MACROD2: variants seen among roughly 807,000 people sequenced by gnomAD.
MACROD2 encodes the protein mono-ADP ribosylhydrolase 2.
A neutral mutation model predicts 70.4 loss-of-function variants in MACROD2; 36 were observed. The observed-to-expected ratio is 0.51, with a 90% CI of 0.39 to 0.68. The LOEUF (loss-of-function observed/expected upper bound fraction) is 0.68. Among genes scored for constraint, MACROD2 ranks in the 30% least tolerant of loss-of-function variants. MACROD2 has a pLI of 0.00. For synonymous variants in MACROD2, 172 were observed against 178.8 expected (o/e 0.96, Z 0.30); for missense variants, 496 against 538.4 (o/e 0.92, Z 0.78).
intron 6 of MACROD2, among the ~76,000 whole-genome samples, chr20:15,326,341 T>C (rs2077928716): frequency 6.6e-6 from 1 of 152,114 alleles, no homozygotes; most frequent in Admixed American, 6.6e-5. Context: ...CAGGCATTCA[T>C]AGATATGTTA....
intron 5 of MACROD2, among the ~76,000 whole-genome samples, chr20:15,191,719 G>C (rs1218406013): frequency 6.6e-6 from 1 of 151,990 alleles, no homozygotes; most frequent in African/African-American, 2.4e-5. Flanking sequence ...TGAAAACAGA[G>C]AAAGAAAAAA....
intron 5 of MACROD2, among the ~76,000 whole-genome samples, chr20:15,008,556 G>C (rs956854962): frequency 8.5e-5 from 13 of 152,108 alleles, no homozygotes; most frequent in African/African-American, 2.7e-4. Flanking sequence ...GAAACTTAAA[G>C]TCTACTGAGA....
At chr20:15,536,349 A>G (rs2047875000) in intron 8 of MACROD2, among the ~76,000 whole-genome samples, 1 of 152,176 alleles carries the variant, frequency 6.6e-6, no homozygotes, top group South Asian at 2.1e-4. Flanking sequence ...CGGAGCCTGC[A>G]ATCATTCCTC....
chr20:14,467,523 G>T (rs1287978031), intron 3 of MACROD2, among the ~76,000 whole-genome samples: 1 of 152,000 alleles, frequency 6.6e-6, no homozygotes, highest in Non-Finnish European at 1.5e-5. Context: ...GCTCACGCAT[G>T]GTGCGCTGCC....
intron 5 of MACROD2, among the ~76,000 whole-genome samples, chr20:14,771,217 A>G (rs1275683961): frequency 6.6e-6 from 1 of 152,072 alleles, no homozygotes; most frequent in Non-Finnish European, 1.5e-5. Context: ...TCAGCCCTCC[A>G]GTTCTCAGAA....
chr20:15,922,755 A>G (rs1464730126), intron 10 of MACROD2, among the ~76,000 whole-genome samples: 2 of 151,844 alleles, frequency 1.3e-5, no homozygotes, highest in Non-Finnish European at 2.9e-5. Flanking sequence ...TCTTGTATTC[A>G]CTCATCTGTC....
chr20:15,501,099 A>G lies in MACROD2; in HGVS notation c.645+1252A>G, dbSNP rs148819560. On this transcript the variant is annotated intron_variant, in intron 8 of 17. Transcript: ENST00000684519. The stretch of plus-strand genomic sequence containing the variant: ...GGAAAGTCACAGAGCCAAGAGACTA[A>G]TCCAGCTCTCATAACTCACTGGACG... Among the ~76,000 whole-genome samples the G allele has an allele frequency of 2.5e-3, 380 of 152,326 alleles. 1 individual carries two copies. Among genetic ancestry groups the G allele is most frequent in the Non-Finnish European group, 4.4e-3 (299 of 68,028 alleles).
chr20:15,121,638 C>G (rs1241508853), intron 5 of MACROD2, among the ~76,000 whole-genome samples: 1 of 151,970 alleles, frequency 6.6e-6, no homozygotes, highest in Non-Finnish European at 1.5e-5. Context: ...TTAGGTGTTT[C>G]GCATCTATTA....
chr20:14,248,943 C>G (rs977404412), intron 3 of MACROD2, among the ~76,000 whole-genome samples: 1 of 152,018 alleles, frequency 6.6e-6, no homozygotes, highest in Non-Finnish European at 1.5e-5. Context: ...AAACAATAGA[C>G]TACACTGTGT....
intron 8 of MACROD2, among the ~76,000 whole-genome samples, chr20:15,798,842 T>C (rs1469305086): frequency 6.6e-6 from 1 of 152,192 alleles, no homozygotes; most frequent in Non-Finnish European, 1.5e-5. Context: ...AAGTTTTACC[T>C]GGCCAATACA....
chr20:14,895,144 T>A (rs1173955615), intron 5 of MACROD2: 2 of 152,176 alleles, frequency 1.3e-5, no homozygotes, highest in Non-Finnish European at 2.9e-5. Context: ...GAGAATATTC[T>A]GTGTGAGATC....
At chr20:15,488,582 C>A (rs2047189817) in intron 7 of MACROD2, among the ~76,000 whole-genome samples, 1 of 152,138 alleles carries the variant, frequency 6.6e-6, no homozygotes, top group Non-Finnish European at 1.5e-5. Flanking sequence ...AGAGGAAGCC[C>A]CACTGGGGGG....
chr20:15,810,162 G>C (rs13044785), intron 8 of MACROD2, among the ~76,000 whole-genome samples: 32,948 of 151,466 alleles, frequency 0.22, 3,605 homozygotes, highest in African/African-American at 0.24. Flanking sequence ...ATGGTTTCCA[G>C]TTTCATCCAT....
At chr20:14,869,520 G>A (rs2073464614) in intron 5 of MACROD2, among the ~76,000 whole-genome samples, 2 of 152,266 alleles carry the variant, frequency 1.3e-5, no homozygotes, top group Non-Finnish European at 2.9e-5. Context: ...CACCAAAGCC[G>A]TGGCGCTGCC....
rs138297182 is a variant in MACROD2 at position 15,443,928 on chromosome 20, A to C, written c.571+12493A>C. On this transcript the variant is annotated intron_variant, in intron 7 of 17. Transcript: ENST00000684519. The stretch of plus-strand genomic sequence containing the variant: ...ATTTTAAGACGATAACAGGAGAGTC[A>C]GTTAATAAAAATAGAGCCTAATCTT... Among the ~76,000 whole-genome samples the C allele has an allele frequency of 9.2e-5, 14 of 152,312 alleles. No homozygotes were observed. In the East Asian group the frequency reaches 2.7e-3, roughly 29 times the overall value.
chr20:15,226,014 G>C (rs1338209413), intron 5 of MACROD2, among the ~76,000 whole-genome samples: 1 of 152,166 alleles, frequency 6.6e-6, no homozygotes, highest in Non-Finnish European at 1.5e-5. Context: ...TGGGAAACGT[G>C]AACCATGATT....
At chr20:14,645,008 T>G (rs762473579) in intron 4 of MACROD2, among the ~76,000 whole-genome samples, 1 of 152,284 alleles carries the variant, frequency 6.6e-6, no homozygotes, top group African/African-American at 2.4e-5. Flanking sequence ...TAGAAAAAGA[T>G]CAAACATATT....
intron 8 of MACROD2, among the ~76,000 whole-genome samples, chr20:15,658,172 G>T (rs895303350): frequency 6.7e-6 from 1 of 150,066 alleles, no homozygotes; most frequent in African/African-American, 2.4e-5. Context: ...ACTTGAAAAC[G>T]CTTTTTTAAA....
chr20:14,784,422 A>G (rs1204434113), intron 5 of MACROD2, among the ~76,000 whole-genome samples: 1 of 151,952 alleles, frequency 6.6e-6, no homozygotes, highest in Non-Finnish European at 1.5e-5. Context: ...TCTTTCTGCT[A>G]TAGTTGGTGG....
Sources: allele counts gnomAD v4.1 joint callset (sites outside exome capture counted in the v4.1 genomes callset), GRCh38; gene constraint gnomAD v4.1.1; transcripts MANE v1.5; gene names NCBI Gene and HGNC (gene_info 2026-07-23, HGNC 2026-07-21).